Variants in APOBEC3F observed in about 807,000 individuals in gnomAD.
The protein encoded by APOBEC3F is apolipoprotein B mRNA editing enzyme catalytic subunit 3F.
APOBEC3F carries 34 observed loss-of-function variants against 45.8 expected under a neutral mutation model. The observed-to-expected ratio is 0.74, with a 90% CI of 0.57 to 0.99. The LOEUF (loss-of-function observed/expected upper bound fraction) is 0.99, where lower values mean the gene tolerates loss of function less well. APOBEC3F is among the 50% of genes least tolerant of loss of function. The pLI, the probability that APOBEC3F is intolerant of heterozygous loss-of-function variation, is 0.00. For synonymous variants in APOBEC3F, 192 were observed against 174.4 expected, an observed-to-expected ratio of 1.10 and a Z score of -0.80; for missense variants, 459 against 474.1, an observed-to-expected ratio of 0.97 and a Z score of 0.30.
At chr22:39,050,276 C>T (rs1486450031) in intron 5 of APOBEC3F, among the ~76,000 whole-genome samples, 1 of 151,766 alleles carries the variant, frequency 6.6e-6, no homozygotes, top group Non-Finnish European at 1.5e-5. Context: ...GCCCTGATTC[C>T]TCGATGTCAA....
chr22:39,052,943 C>A lies in APOBEC3F; in HGVS notation c.*248C>A. 1.3e-6 allele frequency: 1 copy of A among 792,998 alleles called. No homozygotes were observed. The highest frequency in any genetic ancestry group is 1.7e-6 in the Non-Finnish European group (1 of 577,326). The allele number at this position is 792,998 out of a possible 1,614,324, so 49.1% of individuals were successfully genotyped here. On this transcript the variant is annotated 3_prime_UTR_variant, in exon 7 of 7. Coordinates refer to ENST00000308521, the MANE Select transcript of APOBEC3F (RefSeq NM_145298.6). Reference sequence around the variant, plus strand: ...ACCAAGACCCTGTTCCCTGAGCCTGCATGCCCCTAACCTGCCTTTTCCCAT... The same window carrying A: ...ACCAAGACCCTGTTCCCTGAGCCTGAATGCCCCTAACCTGCCTTTTCCCAT...
At chr22:39,051,905 A>G (rs994706408) in intron 5 of APOBEC3F, among the ~76,000 whole-genome samples, 169 bp from the exon 6 acceptor site, 1 of 152,178 alleles carries the variant, frequency 6.6e-6, no homozygotes, top group African/African-American at 2.4e-5. Flanking sequence ...AGTCAGCCCC[A>G]GATCGCACCA....
Position 39,047,650 on chromosome 22 carries a change from C to T in APOBEC3F, c.567-1775C>T, listed in dbSNP as rs555384836. 5.3e-5 allele frequency among the ~76,000 whole-genome samples: 8 copies of T among 152,124 alleles called. No individual in the cohort carries two copies. The East Asian group carries it at 1.5e-3, about 29-fold the overall frequency. On this transcript the variant is annotated intron_variant, in intron 4 of 6. Transcript: ENST00000308521. ...TCTGGTTCCTCTGCTGCTCCCACTACCAGCCAGGCTCTTTGCCCTGCTATG... is the reference window on the plus strand; with the variant it reads ...TCTGGTTCCTCTGCTGCTCCCACTATCAGCCAGGCTCTTTGCCCTGCTATG...
At chr22:39,052,524 G>T in intron 6 of APOBEC3F, 53 bp from the exon 7 acceptor site, 2 of 1,585,254 alleles carry the variant, frequency 1.3e-6, no homozygotes, top group Non-Finnish European at 1.7e-6. Flanking sequence ...AGGGCCCAGG[G>T]CTGGGAGAGA....
chr22:39,045,865 A>G (rs1425036357), intron 4 of APOBEC3F, among the ~76,000 whole-genome samples: 1 of 151,866 alleles, frequency 6.6e-6, no homozygotes, highest in African/African-American at 2.4e-5. Flanking sequence ...AACTGGACGT[A>G]AGTGGGCATG....
In APOBEC3F at chr22:39,055,077, CT is replaced by C. The variant is rs11394712; in HGVS notation, c.*2396del. ...CTGGGGTCTCTCTGCTTCCAAATAT[CT>C]TTTTTTTTTTTTTCAGACAGTTTTG... On this transcript the variant is annotated 3_prime_UTR_variant, in exon 7 of 7. Transcript: ENST00000308521. 2.0e-3 allele frequency among the ~76,000 whole-genome samples: 293 copies of C among 144,190 alleles called. 2 individuals carry two copies. The highest frequency in any genetic ancestry group is 7.1e-3 in the Middle Eastern group (2 of 282). 94.6% of individuals were successfully genotyped at this position (144,190 alleles called of 152,430 possible).
Position 39,053,570 on chromosome 22 carries a change from A to G in APOBEC3F, c.*875A>G, listed in dbSNP as rs1221748185. On this transcript the variant is annotated 3_prime_UTR_variant, in exon 7 of 7. Transcript: ENST00000308521. Reference sequence around the variant, plus strand: ...GTGGAGGCTGCAGTGAACTGAGATCACGTCACTGAACTCCAGTCTGAGCAA... The same window carrying G: ...GTGGAGGCTGCAGTGAACTGAGATCGCGTCACTGAACTCCAGTCTGAGCAA... 6.6e-6 allele frequency: 1 copy of G among 152,142 alleles called. No homozygotes were observed. Among genetic ancestry groups the G allele is most frequent in the Non-Finnish European group, 1.5e-5 (1 of 68,034 alleles). The allele number at this position is 152,142 out of a possible 1,614,324, so 9.4% of individuals were successfully genotyped here. A position where few individuals can be genotyped will look rare whatever the true frequency, so the allele number is the denominator to read the frequency against.
intron 2 of APOBEC3F, 30 bp downstream of exon 2, chr22:39,043,120 G>A: frequency 6.2e-7 from 1 of 1,613,020 alleles, no homozygotes; most frequent in Non-Finnish European, 8.5e-7. Context: ...CACTTTGCAG[G>A]CAGGAGCTAA....
chr22:39,051,432 G>A (rs1008851149), intron 5 of APOBEC3F, among the ~76,000 whole-genome samples: 5 of 151,934 alleles, frequency 3.3e-5, no homozygotes, highest in Admixed American at 3.3e-4. Flanking sequence ...AGCTACTTGG[G>A]AGGCTGAGGC....
At position 39,052,640 on chromosome 22, in the gene APOBEC3F, G is replaced by A; in HGVS notation, c.1067G>A (p.Gly356Glu). The A allele has an allele frequency of 6.2e-7, 1 of 1,614,102 alleles. No homozygotes were observed. Among genetic ancestry groups the A allele is most frequent in the Non-Finnish European group, 8.5e-7 (1 of 1,180,004 alleles). ...NDDEPFKPWK[G>E]LKYNFLFLDS... ...GATGAGCCATTCAAGCCTTGGAAAGGACTAAAATACAACTTTCTATTCCTG... is the reference window on the plus strand; with the variant it reads ...GATGAGCCATTCAAGCCTTGGAAAGAACTAAAATACAACTTTCTATTCCTG... Residue 356 changes from glycine (G) to glutamate (E), a missense_variant, in exon 7 of 7, where the codon GGA becomes GAA. By Grantham distance (98) the Gly-to-Glu change is moderately conservative (BLOSUM62 -2). Transcript: ENST00000308521.
intron 3 of APOBEC3F, 28 bp from the exon 4 acceptor site, chr22:39,045,400 C>G: frequency 1.9e-6 from 3 of 1,614,014 alleles, no homozygotes; most frequent in Non-Finnish European, 2.5e-6. Context: ...AGGGCAGAGC[C>G]TGACTGCTTC....
chr22:39,045,504 T>C lies in APOBEC3F; in HGVS notation c.528T>C (p.Asn176=), dbSNP rs1475320951. The change falls in exon 4 of 7, where the codon AAT becomes AAC. Residue 176 remains asparagine (N), a synonymous_variant. Coordinates refer to ENST00000308521, the MANE Select transcript of APOBEC3F (RefSeq NM_145298.6). ...TGCCTTGGTACAAATTCGATGACAA[T>C]TATGCATTCCTGCACCGCACGCTAA... ...PFMPWYKFDD[N]YAFLHRTLKE... is the part of the protein sequence containing the mutation. 1 of 1,614,020 alleles carries C rather than the reference T, an allele frequency of 6.2e-7. No individual in the cohort carries two copies. The highest frequency in any genetic ancestry group is 8.5e-7 in the Non-Finnish European group (1 of 1,180,014).
chr22:39,044,255 A>C (rs1335918812), intron 2 of APOBEC3F: 1 of 1,579,358 alleles, frequency 6.3e-7, no homozygotes, highest in South Asian at 1.2e-5. Context: ...ATGCCTGGTG[A>C]ATGGATGCCT....
Position 39,040,912 on chromosome 22 carries a change from A to AAC in APOBEC3F, c.-48_-47dup. 1 of 1,557,350 alleles carries AAC rather than the reference A, an allele frequency of 6.4e-7. No homozygotes were observed. Among genetic ancestry groups the AAC allele is most frequent in the Non-Finnish European group, 8.7e-7 (1 of 1,149,834 alleles). ...ACCTGGAGCCTGGAGCAGAAAGTGA[A>AAC]ACCCTGGTGCTCCAGACAAAGATCT... On this transcript the variant is annotated 5_prime_UTR_variant, in exon 1 of 7. Transcript: ENST00000308521.
rs1373494542 is a variant in APOBEC3F at position 39,051,909 on chromosome 22, C to T, written c.724-165C>T. 2.6e-5 allele frequency among the ~76,000 whole-genome samples: 4 copies of T among 152,096 alleles called. No homozygotes were observed. In the East Asian group the frequency reaches 5.8e-4, roughly 22 times the overall value. On this transcript the variant is annotated intron_variant, in intron 5 of 6. Coordinates refer to ENST00000308521, the MANE Select transcript of APOBEC3F (RefSeq NM_145298.6). ...GTCAAGGCTGCAGTCAGCCCCAGAT[C>T]GCACCACTGCACCCCAGCCTGGGCA...
rs1260681766 is a variant in APOBEC3F at position 39,055,183 on chromosome 22, G to T, written c.*2488G>T. Among the ~76,000 whole-genome samples, 1 of 148,734 alleles carries T rather than the reference G, an allele frequency of 6.7e-6. No individual in the cohort carries two copies. The highest frequency in any genetic ancestry group is 1.5e-5 in the Non-Finnish European group (1 of 67,542). On this transcript the variant is annotated 3_prime_UTR_variant, in exon 7 of 7. Coordinates refer to ENST00000308521, the MANE Select transcript of APOBEC3F (RefSeq NM_145298.6). ...TGCCTTCCGAGTTCAAGCGATTCTC[G>T]TGCCTCAGCCTCCTGAGTAGCTGGG...
chr22:39,055,504 G>A lies in APOBEC3F; in HGVS notation c.*2809G>A, dbSNP rs1382285688. On this transcript the variant is annotated 3_prime_UTR_variant, in exon 7 of 7. Coordinates refer to ENST00000308521, the MANE Select transcript of APOBEC3F (RefSeq NM_145298.6). ...CCACCTCAGCCTCCTGAGTAGCTGG[G>A]ATTACAGATGCCCAGAACCAATCTC... 6.6e-6 allele frequency among the ~76,000 whole-genome samples: 1 copy of A among 152,220 alleles called. No homozygotes were observed. The highest frequency in any genetic ancestry group is 1.9e-4 in the East Asian group (1 of 5,190).
intron 2 of APOBEC3F, chr22:39,044,431 C>T: frequency 2.2e-6 from 3 of 1,347,250 alleles, no homozygotes; most frequent in Non-Finnish European, 2.9e-6. Context: ...CGAGTTCTGG[C>T]CTCTGGGAAG....
rs534531437 is a variant in APOBEC3F, at chr22:39,049,573, C to T, written c.715C>T (p.Arg239Ter). ...SPVSWKRGVF[R>*]NQVDPETHCH... is the part of the protein sequence containing the mutation. ...TGTCTCCTGGAAGAGGGGCGTCTTC[C>T]GAAACCAGGTAGCACCAAAGTCCTA... The change falls in exon 5 of 7, where the codon CGA becomes TGA. Residue 239 changes from arginine (R) to a stop codon, truncating the protein, a stop_gained. Coordinates refer to ENST00000308521, the MANE Select transcript of APOBEC3F (RefSeq NM_145298.6). LOFTEE classifies it high-confidence loss of function. 25 of 1,613,998 alleles carry T rather than the reference C, an allele frequency of 1.5e-5. No homozygotes were observed. The highest frequency in any genetic ancestry group is 8.8e-5 in the South Asian group (8 of 91,054).
Sources: allele counts gnomAD v4.1 joint callset (sites outside exome capture counted in the v4.1 genomes callset), GRCh38; gene constraint gnomAD v4.1.1; transcripts MANE v1.5; gene names NCBI Gene and HGNC (gene_info 2026-07-23, HGNC 2026-07-21).